Variants in RGS3 observed in about 807,000 individuals in gnomAD.
RGS3 encodes the protein regulator of G protein signaling 3.
RGS3 carries 80 observed loss-of-function variants against 132.6 expected under a neutral mutation model. The ratio of observed to expected loss-of-function variants is 0.60; its 90% CI spans 0.50 to 0.73. The LOEUF is 0.73. Ranked by LOEUF, RGS3 falls within the 30% of genes least tolerant of loss-of-function variation. The pLI, the probability that RGS3 is intolerant of heterozygous loss-of-function variation, is 0.00. For synonymous variants in RGS3, 598 were observed against 620.6 expected (o/e 0.96, Z 0.54); for missense variants, 1,382 against 1,530.8 (o/e 0.90, Z 1.62).
intron 18 of RGS3, 134 bp downstream of exon 16, chr9:113,529,398 C>T: frequency 1.3e-6 from 1 of 777,222 alleles, no homozygotes; most frequent in Non-Finnish European, 2.2e-6. Context: ...TGGGCAAGGC[C>T]AGAGTAGCGG....
At position 113,522,777 on chromosome 9, in the gene RGS3, G is replaced by A. The variant is rs1832017620; in HGVS notation, c.1759-153G>A. ...GCAGGTCAGGACTGCCCTTGGCTGA[G>A]GCTGTACTGAGCACTGCTCCTGGTT... On this transcript the variant is annotated intron_variant, in intron 16 of 24. Transcript: ENST00000350696. 4.4e-6 allele frequency: 3 copies of A among 687,472 alleles called. No individual in the cohort carries two copies. The East Asian group carries it at 7.7e-5, about 18-fold the overall frequency. 42.6% of individuals were successfully genotyped at this position (687,472 alleles called of 1,614,324 possible).
rs780976403 is a variant in RGS3 at position 113,536,965 on chromosome 9, C to T, written c.2037+47C>T. The stretch of plus-strand genomic sequence containing the variant: ...GTGGCCTGGCTGCCTCGTTTCCCCT[C>T]AGCCAGCCTAGACCCTTGAGCCTCT... On this transcript the variant is annotated intron_variant, in intron 19 of 24. Coordinates refer to ENST00000350696, the Ensembl canonical transcript of RGS3. The T allele has an allele frequency of 1.4e-5, 22 of 1,584,166 alleles. No homozygotes were observed. The Admixed American group carries it at 3.0e-4, about 22-fold the overall frequency.
intron 17 of RGS3, among the ~76,000 whole-genome samples, chr9:113,524,929 G>A (rs1000509339): frequency 6.6e-6 from 1 of 152,214 alleles, no homozygotes; most frequent in African/African-American, 2.4e-5. Context: ...AAGGTGGGTG[G>A]TGTGGGGCCT....
intron 19 of RGS3, among the ~76,000 whole-genome samples, chr9:113,573,268 G>T (rs1834368685): frequency 6.6e-6 from 1 of 152,174 alleles, no homozygotes; most frequent in Non-Finnish European, 1.5e-5. Context: ...TCCACCTCTG[G>T]CTTTCAGTCC....
chr9:113,514,134 C>T (rs1379430665), intron 14 of RGS3, among the ~76,000 whole-genome samples: 1 of 152,114 alleles, frequency 6.6e-6, no homozygotes, highest in Admixed American at 6.5e-5. Flanking sequence ...AGACTGAGGC[C>T]AAAATGGAAA....
At chr9:113,494,017 C>G (rs892614172) in intron 7 of RGS3, among the ~76,000 whole-genome samples, 1 of 152,062 alleles carries the variant, frequency 6.6e-6, no homozygotes, top group African/African-American at 2.4e-5. Flanking sequence ...AAGCCAGCCT[C>G]CAGGGTTATG....
chr9:113,505,376 C>T, intron 10 of RGS3, 66 bp from the exon 9 acceptor site: 2 of 1,473,320 alleles, frequency 1.4e-6, no homozygotes, highest in Non-Finnish European at 1.9e-6. Flanking sequence ...CTGTGGGCTT[C>T]CTGACCTTGG....
At chr9:113,533,867 C>G (rs932863160) in intron 18 of RGS3, among the ~76,000 whole-genome samples, 2 of 152,228 alleles carry the variant, frequency 1.3e-5, no homozygotes, top group Non-Finnish European at 2.9e-5. Context: ...CTTTTGCTGG[C>G]CATATCCTTC....
At chr9:113,562,738 T>C (rs1419532595) in intron 19 of RGS3, among the ~76,000 whole-genome samples, 1 of 152,228 alleles carries the variant, frequency 6.6e-6, no homozygotes, top group African/African-American at 2.4e-5. Flanking sequence ...CCATCATTTA[T>C]GTACCTCTGA....
intron 19 of RGS3, among the ~76,000 whole-genome samples, chr9:113,576,392 C>T (rs1416999782): frequency 1.2e-4 from 17 of 147,512 alleles, no homozygotes; most frequent in South Asian, 4.3e-4. Flanking sequence ...AGTGCAGTGA[C>T]GTGATCTTGG....
chr9:113,567,854 G>T (rs1834082225), intron 19 of RGS3, among the ~76,000 whole-genome samples: 1 of 152,216 alleles, frequency 6.6e-6, no homozygotes, highest in Non-Finnish European at 1.5e-5. Flanking sequence ...TAGGTCTGGG[G>T]TTATTGATCC....
At chr9:113,490,987 A>T (rs1423621426) in intron 7 of RGS3, among the ~76,000 whole-genome samples, 1 of 133,352 alleles carries the variant, frequency 7.5e-6, no homozygotes. Context: ...TAATTATTAT[A>T]TATTGGTATA....
chr9:113,481,402 C>T (rs917947876), intron 4 of RGS3, among the ~76,000 whole-genome samples: 7 of 152,116 alleles, frequency 4.6e-5, no homozygotes, highest in East Asian at 1.9e-4. Flanking sequence ...ACCACGCCCT[C>T]GAGGGAAATG....
intron 16 of RGS3, 88 bp downstream of exon 14, chr9:113,517,712 G>A: frequency 1.0e-6 from 1 of 998,020 alleles, no homozygotes; most frequent in Non-Finnish European, 1.5e-6. Context: ...CTCTTCCTGA[G>A]TATCTTAGAA....
intron 19 of RGS3, among the ~76,000 whole-genome samples, chr9:113,561,783 T>G (rs1833801848): frequency 1.3e-5 from 2 of 152,070 alleles, no homozygotes; most frequent in Admixed American, 1.3e-4. Context: ...ACAGCGGAAA[T>G]CTCACTGTGG....
chr9:113,571,851 T>G (rs1834305993), intron 19 of RGS3, among the ~76,000 whole-genome samples: 1 of 152,244 alleles, frequency 6.6e-6, no homozygotes, highest in African/African-American at 2.4e-5. Flanking sequence ...TATTTAGATC[T>G]AAAATCCACT....
intron 17 of RGS3, among the ~76,000 whole-genome samples, chr9:113,525,819 G>A (rs1832173188): frequency 6.6e-6 from 1 of 152,180 alleles, no homozygotes; most frequent in Non-Finnish European, 1.5e-5. Context: ...CACTGTGGGT[G>A]CCTAATCAAT....
At chr9:113,567,230 C>T (rs1047748501) in intron 19 of RGS3, among the ~76,000 whole-genome samples, 1 of 151,692 alleles carries the variant, frequency 6.6e-6, no homozygotes, top group African/African-American at 2.4e-5. Context: ...CTCCCCTCCC[C>T]TCCCCTCCCC....
exon 14 of RGS3, chr9:113,508,574 C>A (rs763759890): frequency 6.2e-7 from 1 of 1,612,332 alleles, no homozygotes; most frequent in Non-Finnish European, 8.5e-7. Context: ...GGATACCATC[C>A]CCGAAGGTGA....
Sources: allele counts gnomAD v4.1 joint callset (sites outside exome capture counted in the v4.1 genomes callset), GRCh38; gene constraint gnomAD v4.1.1; transcripts MANE v1.5; gene names NCBI Gene and HGNC (gene_info 2026-07-23, HGNC 2026-07-21).